The following NCALD variants were observed in gnomAD, a reference collection of about 807,000 sequenced individuals.
The protein encoded by NCALD is neurocalcin delta.
A neutral mutation model predicts 18.6 loss-of-function variants in NCALD; 10 were observed. The observed-to-expected ratio is 0.54, with a 90% CI of 0.33 to 0.91. NCALD has a LOEUF of 0.91. Ranked by LOEUF, NCALD falls within the 40% of genes least tolerant of loss-of-function variation. The pLI is 0.03. For synonymous variants in NCALD, 88 were observed against 87.4 expected (o/e 1.01, Z -0.04); for missense variants, 184 against 247.6 (o/e 0.74, Z 1.72).
chr8:102,061,373 CA>C (rs1412854094), intron 1 of NCALD, among the ~76,000 whole-genome samples: 3 of 152,184 alleles, frequency 2.0e-5, no homozygotes, highest in Admixed American at 6.5e-5. Flanking sequence ...GGGACCTAAA[CA>C]AAAGGGAGTT....
At chr8:102,115,163 C>A (rs1467767344) in intron 1 of NCALD, among the ~76,000 whole-genome samples, 1 of 152,258 alleles carries the variant, frequency 6.6e-6, no homozygotes, top group Non-Finnish European at 1.5e-5. Context: ...GCAAGGCAAA[C>A]CTTTTCTTCA....
chr8:101,957,640 G>A (rs1356996082), intron 2 of NCALD, among the ~76,000 whole-genome samples: 1 of 152,136 alleles, frequency 6.6e-6, no homozygotes, highest in Non-Finnish European at 1.5e-5. Flanking sequence ...GAGCACTTGA[G>A]GAATCTGGCT....
chr8:101,761,885 C>T (rs1337088420), intron 1 of NCALD, among the ~76,000 whole-genome samples: 1 of 152,184 alleles, frequency 6.6e-6, no homozygotes, highest in Non-Finnish European at 1.5e-5. Context: ...CACTTTTTCT[C>T]TTCCCCCGTT....
At chr8:101,916,374 G>A (rs1817971588) in intron 2 of NCALD, among the ~76,000 whole-genome samples, 1 of 152,086 alleles carries the variant, frequency 6.6e-6, no homozygotes, top group African/African-American at 2.4e-5. Context: ...CTTTAAGAAA[G>A]TTCTAAACAT....
intron 1 of NCALD, among the ~76,000 whole-genome samples, chr8:102,116,676 T>C (rs1297366437): frequency 6.6e-6 from 1 of 152,078 alleles, no homozygotes; most frequent in Non-Finnish European, 1.5e-5. Flanking sequence ...TTTATCTATT[T>C]ATTTATTTTT....
chr8:102,029,326 T>G (rs1029117237), intron 1 of NCALD, among the ~76,000 whole-genome samples: 2 of 152,150 alleles, frequency 1.3e-5, no homozygotes, highest in African/African-American at 4.8e-5. Flanking sequence ...TAAGTGTTTT[T>G]GGGGAGGACA....
intron 2 of NCALD, among the ~76,000 whole-genome samples, chr8:101,960,538 G>A (rs1276721643): frequency 1.3e-5 from 2 of 152,122 alleles, no homozygotes; most frequent in African/African-American, 4.8e-5. Context: ...GCTCAGCATG[G>A]GATTTGGAGT....
chr8:101,802,677 C>A (rs1186183839), intron 4 of NCALD, among the ~76,000 whole-genome samples: 3 of 151,982 alleles, frequency 2.0e-5, no homozygotes, highest in Admixed American at 2.0e-4. Flanking sequence ...AAGCCAAAGT[C>A]TGTTCTTAAG....
At chr8:102,009,675 G>A (rs4734610) in intron 2 of NCALD, among the ~76,000 whole-genome samples, 95,311 of 152,026 alleles carry the variant, frequency 0.63, 31,352 homozygotes, top group African/African-American at 0.82. Context: ...GCTGTTTCAG[G>A]TAAATATACT....
chr8:101,709,080 G>T (rs533736155), intron 2 of NCALD, among the ~76,000 whole-genome samples: 140 of 152,338 alleles, frequency 9.2e-4, no homozygotes, highest in African/African-American at 3.3e-3. Flanking sequence ...TATTGAAAAT[G>T]AAAGTACACT....
At chr8:102,093,016 A>G (rs924927778) in intron 1 of NCALD, among the ~76,000 whole-genome samples, 5 of 152,096 alleles carry the variant, frequency 3.3e-5, no homozygotes, top group Non-Finnish European at 5.9e-5. Flanking sequence ...TAGGCACACA[A>G]AAGTCACTAT....
At chr8:101,763,976 A>C (rs975828335) in intron 1 of NCALD, among the ~76,000 whole-genome samples, 1 of 33,476 alleles carries the variant, frequency 3.0e-5, no homozygotes, top group African/African-American at 5.0e-5. Flanking sequence ...CCACACACAC[A>C]CACACACACA....
chr8:101,802,578 T>TAA (rs201465859), intron 4 of NCALD, among the ~76,000 whole-genome samples: 2 of 144,082 alleles, frequency 1.4e-5, no homozygotes, highest in African/African-American at 5.1e-5. Context: ...CACGAATGAT[T>TAA]AAAAAAAAAA....
At chr8:101,930,019 C>T (rs1818514389) in intron 2 of NCALD, among the ~76,000 whole-genome samples, 1 of 152,096 alleles carries the variant, frequency 6.6e-6, no homozygotes, top group African/African-American at 2.4e-5. Context: ...CACACCACTG[C>T]ACTCCAGCCT....
At chr8:101,928,842 A>G (rs901520734) in intron 2 of NCALD, among the ~76,000 whole-genome samples, 2 of 152,190 alleles carry the variant, frequency 1.3e-5, no homozygotes, top group Non-Finnish European at 2.9e-5. Context: ...AAAGATGAAT[A>G]AAGAGAAGCT....
intron 4 of NCALD, among the ~76,000 whole-genome samples, chr8:101,798,816 T>C (rs1423597536): frequency 1.3e-5 from 2 of 152,212 alleles, no homozygotes; most frequent in Non-Finnish European, 2.9e-5. Context: ...GACATGTACA[T>C]CAATGGAACA....
intron 2 of NCALD, among the ~76,000 whole-genome samples, chr8:101,919,192 A>G (rs1818076120): frequency 6.6e-6 from 1 of 152,214 alleles, no homozygotes; most frequent in African/African-American, 2.4e-5. Context: ...ACATAAACCA[A>G]TGGAACAGAA....
chr8:102,081,650 C>A (rs1035466462), intron 1 of NCALD, among the ~76,000 whole-genome samples: 5 of 151,738 alleles, frequency 3.3e-5, no homozygotes, highest in Admixed American at 2.6e-4. Context: ...TTAGTTCAGT[C>A]CATCAGCCTG....
At chr8:101,714,895 G>A (rs1482222053) in intron 2 of NCALD, among the ~76,000 whole-genome samples, 2 of 150,800 alleles carry the variant, frequency 1.3e-5, no homozygotes, top group African/African-American at 2.5e-5. Flanking sequence ...TACTCGGGAG[G>A]CTGAGGCAGG....
Sources: allele counts gnomAD v4.1 joint callset (sites outside exome capture counted in the v4.1 genomes callset), GRCh38; gene constraint gnomAD v4.1.1; transcripts MANE v1.5; gene names NCBI Gene and HGNC (gene_info 2026-07-23, HGNC 2026-07-21).